TNIK: variants seen among roughly 807,000 people sequenced by gnomAD.
TNIK encodes the protein TRAF2 and NCK-interacting protein kinase.
In TNIK, 49 loss-of-function variants were observed where a neutral mutation model predicts 191.3. That is an observed-to-expected ratio of 0.26 (90% CI 0.20 to 0.32). The LOEUF is 0.32. Ranked by LOEUF, TNIK falls within the 10% of genes least tolerant of loss-of-function variation. The pLI is 1.00. For synonymous variants in TNIK, 594 were observed against 600.9 expected, an observed-to-expected ratio of 0.99 and a Z score of 0.17; for missense variants, 1,155 against 1,702.3, an observed-to-expected ratio of 0.68 and a Z score of 5.66.
At chr3:171,166,269 A>G (rs1734609060) in intron 10 of TNIK, among the ~76,000 whole-genome samples, 1 of 152,248 alleles carries the variant, frequency 6.6e-6, no homozygotes, top group Admixed American at 6.5e-5. Flanking sequence ...GCTCATTTCT[A>G]CAAAATGCAC....
In TNIK at chr3:171,138,256, TCTC is replaced by T. The variant is rs774503747; in HGVS notation, c.1540_1542del (p.Glu514del). The T allele has an allele frequency of 1.1e-5, 18 of 1,613,528 alleles. No homozygotes were observed. In the Admixed American group the frequency reaches 3.0e-4, roughly 27 times the overall value. The stretch of plus-strand genomic sequence containing the variant: ...TCTTTGTAATGGTACAGTGGCTTCT[TCTC>T]CACAGGCCTCTGCTCCTGCCGCTGA... On this transcript the variant is annotated inframe_deletion, in exon 15 of 33. Coordinates refer to ENST00000436636, the MANE Select transcript of TNIK (RefSeq NM_015028.4).
intron 15 of TNIK, among the ~76,000 whole-genome samples, chr3:171,137,712 G>T (rs1340761977): frequency 6.6e-6 from 1 of 152,146 alleles, no homozygotes; most frequent in Non-Finnish European, 1.5e-5. Context: ...CAAGTCTGAG[G>T]TCAACTGTGC....
At chr3:171,215,758 CAG>C (rs1216259319) in intron 3 of TNIK, among the ~76,000 whole-genome samples, 3 of 152,238 alleles carry the variant, frequency 2.0e-5, no homozygotes, top group Non-Finnish European at 4.4e-5. Flanking sequence ...ATTTATTACA[CAG>C]GGGAACACAC....
chr3:171,076,187 C>A lies in TNIK; in HGVS notation c.3448+3331G>T, dbSNP rs182535601. On this transcript the variant is annotated intron_variant, in intron 28 of 32. Coordinates refer to ENST00000436636, the MANE Select transcript of TNIK (RefSeq NM_015028.4). ...GAACATGTCCTTCTCAGGCACCAAA[C>A]CTTCAGGTTCACTAGCCAGCCCCAA... is the stretch of plus-strand genomic sequence containing the variant. Among the ~76,000 whole-genome samples the A allele has an allele frequency of 2.0e-3, 308 of 151,880 alleles. 2 individuals carry two copies. The highest frequency in any genetic ancestry group is 7.1e-3 in the African/African-American group (292 of 41,414).
intron 2 of TNIK, among the ~76,000 whole-genome samples, chr3:171,299,919 G>A (rs1026774201): frequency 6.6e-6 from 1 of 152,048 alleles, no homozygotes; most frequent in Non-Finnish European, 1.5e-5. Context: ...GCTATTCCAG[G>A]GAACCAGAAA....
At chr3:171,113,902 C>T (rs1037961348) in intron 18 of TNIK, among the ~76,000 whole-genome samples, 2 of 151,220 alleles carry the variant, frequency 1.3e-5, no homozygotes, top group African/African-American at 4.9e-5. Flanking sequence ...GCAGGACCAC[C>T]TAGGCCAATT....
intron 2 of TNIK, among the ~76,000 whole-genome samples, chr3:171,321,068 A>G (rs1755122051): frequency 1.3e-5 from 2 of 151,986 alleles, no homozygotes; most frequent in Non-Finnish European, 2.9e-5. Context: ...AAGTAGGGGG[A>G]AAAAATAATT....
intron 2 of TNIK, among the ~76,000 whole-genome samples, chr3:171,229,507 C>T (rs950850429): frequency 6.6e-6 from 1 of 152,158 alleles, no homozygotes; most frequent in African/African-American, 2.4e-5. Context: ...TTAGTTGGAT[C>T]AAATTTTTTA....
intron 1 of TNIK, among the ~76,000 whole-genome samples, chr3:171,405,736 A>T (rs1304679735): frequency 6.6e-6 from 1 of 152,206 alleles, no homozygotes; most frequent in African/African-American, 2.4e-5. Context: ...TTCTATTTTC[A>T]ACCAAGTTTA....
intron 18 of TNIK, among the ~76,000 whole-genome samples, chr3:171,119,760 A>G (rs1246940722): frequency 6.6e-6 from 1 of 151,526 alleles, no homozygotes; most frequent in Non-Finnish European, 1.5e-5. Flanking sequence ...GAACACATGG[A>G]CACAGTAAGG....
intron 1 of TNIK, among the ~76,000 whole-genome samples, chr3:171,404,531 T>TG (rs1291646324): frequency 6.6e-6 from 1 of 151,938 alleles, no homozygotes; most frequent in African/African-American, 2.4e-5. Context: ...TGAGTTTGTT[T>TG]TTTTTTTTAA....
At chr3:171,101,329 A>C in intron 22 of TNIK, 120 bp downstream of exon 22, 1 of 1,169,990 alleles carries the variant, frequency 8.5e-7, no homozygotes. Flanking sequence ...CAAGTCCCGA[A>C]AGTCAATTTA....
chr3:171,196,219 T>G (rs1214965908), intron 4 of TNIK, among the ~76,000 whole-genome samples: 1 of 152,178 alleles, frequency 6.6e-6, no homozygotes, highest in African/African-American at 2.4e-5. Context: ...AAAGTAGGTA[T>G]TCCATCTAAT....
intron 26 of TNIK, 170 bp from the exon 27 acceptor site, chr3:171,082,564 G>C (rs1196072473): frequency 1.1e-5 from 8 of 740,668 alleles, no homozygotes; most frequent in Non-Finnish European, 1.6e-5. Flanking sequence ...TTAAATCATT[G>C]TACTTCTGGT....
At chr3:171,373,905 G>T (rs965539210) in intron 1 of TNIK, among the ~76,000 whole-genome samples, 2 of 152,100 alleles carry the variant, frequency 1.3e-5, no homozygotes, top group African/African-American at 4.8e-5. Context: ...GCAATATGTT[G>T]TGCACAGCTC....
At position 171,114,964 on chromosome 3, in the gene TNIK, G is replaced by A. The variant is rs548536042; in HGVS notation, c.2121-4087C>T. ...TAATCTCTTTTAATTCCCAAATAGC[G>A]AATTCTTCCACACTGCCCTGTTTTA... On this transcript the variant is annotated intron_variant, in intron 18 of 32. Coordinates refer to ENST00000436636, the MANE Select transcript of TNIK (RefSeq NM_015028.4). Among the ~76,000 whole-genome samples, 17 of 151,896 alleles carry A rather than the reference G, an allele frequency of 1.1e-4. No individual in the cohort carries two copies. The South Asian group carries it at 3.3e-3, about 30-fold the overall frequency.
intron 9 of TNIK, among the ~76,000 whole-genome samples, chr3:171,173,488 TGGA>T (rs1232916835): frequency 1.3e-5 from 2 of 151,932 alleles, no homozygotes. Context: ...AGGTGGCAGC[TGGA>T]GGAGAAGGAC....
At chr3:171,381,547 C>T (rs1487510028) in intron 1 of TNIK, among the ~76,000 whole-genome samples, 1 of 152,194 alleles carries the variant, frequency 6.6e-6, no homozygotes, top group African/African-American at 2.4e-5. Context: ...CTAAAGCTTG[C>T]ATCTTAAGTT....
chr3:171,299,091 T>G (rs1032894399), intron 2 of TNIK, among the ~76,000 whole-genome samples: 2 of 152,204 alleles, frequency 1.3e-5, no homozygotes, highest in African/African-American at 4.8e-5. Flanking sequence ...AGGCGGTTTC[T>G]CATCTACCTC....
Sources: gnomAD v4.1 joint callset for allele counts (sites outside exome capture counted in the v4.1 genomes callset) on GRCh38, gnomAD v4.1.1 for gene constraint, MANE v1.5 for transcripts, NCBI Gene and HGNC (gene_info 2026-07-23, HGNC 2026-07-21) for gene names.